Variants in SAMD5 observed in about 807,000 individuals in gnomAD.
SAMD5 encodes sterile alpha motif domain containing 5, also known as sterile alpha motif domain-containing protein 5.
In SAMD5, 13 loss-of-function variants were observed where a neutral mutation model predicts 11.3. That is an observed-to-expected ratio of 1.15 (90% confidence interval 0.75 to 1.83). SAMD5 has a LOEUF of 1.83. SAMD5 is among the 40% of genes most tolerant of loss of function. The probability of loss-of-function intolerance (pLI) is 0.00; values close to 1 mark genes in which losing one functional copy is unlikely to be tolerated. For missense variants in SAMD5, 255 were observed against 239.1 expected (o/e 1.07, Z -0.44); for synonymous variants, 129 against 111.3 (o/e 1.16, Z -1.00).
intron 1 of SAMD5, among the ~76,000 whole-genome samples, chr6:147,547,663 C>T (rs950292789): frequency 7.2e-5 from 11 of 152,170 alleles, no homozygotes; most frequent in Admixed American, 3.3e-4. Flanking sequence ...AGAATAATCT[C>T]CCTTTTGTCA....
At chr6:147,778,553 C>T in the SAMD5 span, among the ~76,000 whole-genome samples, 4 of 152,180 alleles carry the variant, frequency 2.6e-5, no homozygotes, top group Non-Finnish European at 4.4e-5. Context: ...ACCTTGGATT[C>T]ATCCCTTCCT....
chr6:147,738,854 T>C (rs1267006696), downstream of SAMD5, among the ~76,000 whole-genome samples: 3 of 152,230 alleles, frequency 2.0e-5, no homozygotes, highest in African/African-American at 7.2e-5. Context: ...AATCTCTTGA[T>C]TTTGAATTTC....
At chr6:147,638,140 A>C (rs1326868227) in intron 1 of SAMD5, among the ~76,000 whole-genome samples, 3 of 152,004 alleles carry the variant, frequency 2.0e-5, no homozygotes, top group African/African-American at 7.3e-5. Flanking sequence ...CCCACCAAAA[A>C]TTTGGGAAAA....
chr6:147,556,445 C>T (rs1236717329), intron 1 of SAMD5, among the ~76,000 whole-genome samples: 1 of 152,146 alleles, frequency 6.6e-6, no homozygotes, highest in Non-Finnish European at 1.5e-5. Context: ...TTCACAGTTA[C>T]AATTTAAAAC....
chr6:147,946,668 T>C, the SAMD5 span, among the ~76,000 whole-genome samples: 1 of 152,254 alleles, frequency 6.6e-6, no homozygotes. Flanking sequence ...AAATACAATT[T>C]AATTTCTAGT....
At chr6:147,915,427 T>A in the SAMD5 span, among the ~76,000 whole-genome samples, 11 of 152,216 alleles carry the variant, frequency 7.2e-5, no homozygotes, top group Non-Finnish European at 1.5e-4. Flanking sequence ...AACATTTTTT[T>A]AAAAAGACAA....
intron 1 of SAMD5, among the ~76,000 whole-genome samples, chr6:147,540,405 G>T (rs971265495): frequency 1.3e-5 from 2 of 152,166 alleles, no homozygotes; most frequent in African/African-American, 4.8e-5. Context: ...TTAGGGCTAT[G>T]ACATGGACCT....
intron 1 of SAMD5, among the ~76,000 whole-genome samples, chr6:147,730,852 T>G (rs1035396027): frequency 1.3e-5 from 2 of 152,148 alleles, no homozygotes; most frequent in African/African-American, 4.8e-5. Flanking sequence ...TGACCATTGG[T>G]GCTGGCAGTG....
intron 1 of SAMD5, among the ~76,000 whole-genome samples, chr6:147,581,701 G>T (rs1789300071): frequency 6.6e-6 from 1 of 152,192 alleles, no homozygotes; most frequent in South Asian, 2.1e-4. Flanking sequence ...AGAAATCAGA[G>T]ACCTCAGTGA....
At chr6:147,558,186 C>G (rs1788887947) in intron 1 of SAMD5, among the ~76,000 whole-genome samples, 1 of 151,988 alleles carries the variant, frequency 6.6e-6, no homozygotes, top group Non-Finnish European at 1.5e-5. Context: ...AATTAGTATA[C>G]AATAATAGAT....
the SAMD5 span, among the ~76,000 whole-genome samples, chr6:147,765,612 A>G: frequency 6.6e-6 from 1 of 152,250 alleles, no homozygotes; most frequent in Non-Finnish European, 1.5e-5. Flanking sequence ...ATTTCCACCT[A>G]GCCTGCAGAG....
At chr6:147,769,605 G>A in the SAMD5 span, among the ~76,000 whole-genome samples, 1 of 152,270 alleles carries the variant, frequency 6.6e-6, no homozygotes, top group Non-Finnish European at 1.5e-5. Context: ...AAATGGCAGC[G>A]TCTTCATAAC....
the SAMD5 span, among the ~76,000 whole-genome samples, chr6:147,910,232 G>A: frequency 6.6e-6 from 1 of 151,970 alleles, no homozygotes; most frequent in South Asian, 2.1e-4. Flanking sequence ...TGGTACCCTG[G>A]GGACCCTCAG....
At chr6:147,812,210 T>G in the SAMD5 span, among the ~76,000 whole-genome samples, 1 of 152,058 alleles carries the variant, frequency 6.6e-6, no homozygotes, top group South Asian at 2.1e-4. Context: ...AGAGAAGATG[T>G]TTTGTTCTGT....
At chr6:147,861,665 A>G in the SAMD5 span, among the ~76,000 whole-genome samples, 1 of 152,180 alleles carries the variant, frequency 6.6e-6, no homozygotes, top group African/African-American at 2.4e-5. Context: ...TAAAACCATC[A>G]AAAGGAAATG....
chr6:147,920,219 G>A, the SAMD5 span, among the ~76,000 whole-genome samples: 3 of 152,196 alleles, frequency 2.0e-5, no homozygotes, highest in African/African-American at 4.8e-5. Flanking sequence ...TCAGCTGCCA[G>A]CACTGCTAGA....
the SAMD5 span, among the ~76,000 whole-genome samples, chr6:147,903,939 C>G: frequency 6.6e-6 from 1 of 151,782 alleles, no homozygotes; most frequent in African/African-American, 2.4e-5. Flanking sequence ...TCTAAGATCA[C>G]TTAATATTCT....
chr6:147,861,746 C>T, the SAMD5 span, among the ~76,000 whole-genome samples: 8 of 152,164 alleles, frequency 5.3e-5, no homozygotes, highest in African/African-American at 1.9e-4. Context: ...CCCTGACTTT[C>T]CTTTCCAGGA....
At chr6:147,805,641 T>C in the SAMD5 span, among the ~76,000 whole-genome samples, 1 of 152,202 alleles carries the variant, frequency 6.6e-6, no homozygotes, top group African/African-American at 2.4e-5. Context: ...GACTCAATCC[T>C]GAAGACACAA....
Sources: gnomAD v4.1 joint callset for allele counts (sites outside exome capture counted in the v4.1 genomes callset) on GRCh38, gnomAD v4.1.1 for gene constraint, MANE v1.5 for transcripts, NCBI Gene and HGNC (gene_info 2026-07-23, HGNC 2026-07-21) for gene names.